Variants in ICA1 observed in about 807,000 individuals in gnomAD.
The protein encoded by ICA1 is islet cell autoantigen 1, also known as 69 kDa islet cell autoantigen.
ICA1 carries 40 observed loss-of-function variants against 71.0 expected under a neutral mutation model. The ratio of observed to expected loss-of-function variants is 0.56; its 90% CI spans 0.44 to 0.73. ICA1 has a LOEUF of 0.73. Among genes scored for constraint, ICA1 ranks in the 30% least tolerant of loss-of-function variants. The pLI, the probability that ICA1 is intolerant of heterozygous loss-of-function variation, is 0.00. For missense variants in ICA1, 578 were observed against 576.5 expected (o/e 1.00, Z -0.03); for synonymous variants, 207 against 209.5 (o/e 0.99, Z 0.10).
intron 6 of ICA1, among the ~76,000 whole-genome samples, chr7:8,170,381 C>G (rs560891509): frequency 1.3e-5 from 2 of 151,962 alleles, no homozygotes; most frequent in Admixed American, 1.3e-4. Flanking sequence ...TACAAAAAAG[C>G]CTTTGGGGGG....
intron 6 of ICA1, among the ~76,000 whole-genome samples, chr7:8,192,307 A>G (rs1461743356): frequency 6.6e-6 from 1 of 152,074 alleles, no homozygotes; most frequent in African/African-American, 2.4e-5. Context: ...GTCTTTTTTC[A>G]GGGCAGGTAT....
At chr7:8,150,357 C>T (rs1256271155) in intron 8 of ICA1, among the ~76,000 whole-genome samples, 3 of 152,216 alleles carry the variant, frequency 2.0e-5, no homozygotes, top group Admixed American at 6.5e-5. Flanking sequence ...TTATCAATGA[C>T]TTTTAAAGTT....
In ICA1 at chr7:8,143,898, A is replaced by T. The variant is rs1372113374; in HGVS notation, c.879T>A (p.Asp293Glu). The change falls in exon 9 of 14, where the codon GAT becomes GAA. Residue 293 changes from aspartate (D) to glutamate (E), a missense_variant. Physicochemically the swap from Asp to Glu is conservative, Grantham distance 45. Transcript: ENST00000402384. ...ACTGGCTCGGCTCCTGCACGGCTGC[A>T]TCTGTACTTTCCTGCTGGTTGATTT... is the stretch of plus-strand genomic sequence containing the variant. Reference protein sequence around the residue: ...KKKINQQESTDAAVQEPSQLI... With the variant: ...KKKINQQESTEAAVQEPSQLI... The T allele has an allele frequency of 4.3e-6, 7 of 1,612,028 alleles. No homozygotes were observed. The highest frequency in any genetic ancestry group is 2.2e-5 in the East Asian group (1 of 44,870).
In ICA1 at chr7:8,218,477, C is replaced by T. The variant is rs150710019; in HGVS notation, c.407G>A (p.Arg136Gln). The T allele has an allele frequency of 1.2e-5, 19 of 1,613,920 alleles. No individual in the cohort carries two copies. In the Admixed American group the frequency reaches 1.3e-4, roughly 11 times the overall value. Residue 136 changes from arginine to glutamine, a missense_variant, in exon 6 of 14, where the codon CGA becomes CAA. By Grantham distance (43) the Arg-to-Gln change is conservative. Transcript: ENST00000402384. ...QRLALRNPLC[R>Q]FHQEVETFRH... ...AAAAGTCTCCACTTCTTGGTGAAAT[C>T]GACACAAAGGATTTCGTAAGGCCAA... is the stretch of plus-strand genomic sequence containing the variant.
Position 8,138,860 on chromosome 7 carries a change from T to C in ICA1, c.1040A>G (p.Asp347Gly), listed in dbSNP as rs1211581722. The change falls in exon 12 of 14, where the codon GAC (aspartate) becomes GGC (glycine). Residue 347 changes from aspartate (D) to glycine (G), a missense_variant. Coordinates refer to ENST00000402384, the MANE Select transcript of ICA1 (RefSeq NM_001136020.3). ...ACSGPIDELL[D>G]MKSEEGACLG... ...CTTACCACCTTCCTCAGATTTCATG[T>C]CTAATAGTTCATCTATGGGTCCTTT... 6.8e-6 allele frequency: 11 copies of C among 1,606,300 alleles called. No homozygotes were observed. Among genetic ancestry groups the C allele is most frequent in the Non-Finnish European group, 9.4e-6 (11 of 1,173,592 alleles).
chr7:8,218,392 C>T lies in ICA1; in HGVS notation c.492G>A (p.Thr164=), dbSNP rs1796024442. 8.7e-6 allele frequency: 14 copies of T among 1,614,130 alleles called. No individual in the cohort carries two copies. Among genetic ancestry groups the T allele is most frequent in the South Asian group, 2.2e-5 (2 of 91,078 alleles). The part of the protein sequence containing the change: ...LTVNRMEQCR[T]EYRGALLWMK... ...TCCATAATAGTGCTCCTCTATATTC[C>T]GTCCTGCACTGTTCCATGCGGTTCA... is the stretch of plus-strand genomic sequence containing the variant. The change falls in exon 6 of 14, where the codon ACG becomes ACA. Residue 164 remains threonine, a synonymous_variant. Transcript: ENST00000402384.
At chr7:8,162,193 T>G (rs1804110078) in intron 6 of ICA1, among the ~76,000 whole-genome samples, 2 of 152,258 alleles carry the variant, frequency 1.3e-5, no homozygotes, top group Admixed American at 6.5e-5. Flanking sequence ...ACAAAGCTCA[T>G]GAATTAGCGT....
intron 3 of ICA1, 82 bp from the exon 4 acceptor site, chr7:8,228,755 T>C: frequency 1.1e-6 from 1 of 891,290 alleles, no homozygotes; most frequent in Non-Finnish European, 1.7e-6. Context: ...ACAACCAGAG[T>C]GTTCAATTTG....
chr7:8,247,091 C>A (rs1382553643), intron 1 of ICA1, among the ~76,000 whole-genome samples: 1 of 151,898 alleles, frequency 6.6e-6, no homozygotes, highest in Non-Finnish European at 1.5e-5. Context: ...CAATTTTATT[C>A]CCCCGTGTAG....
At chr7:8,236,057 A>G in intron 1 of ICA1, 52 bp from the exon 2 acceptor site, 16 of 970,114 alleles carry the variant, frequency 1.6e-5, no homozygotes, top group Non-Finnish European at 2.2e-5. Context: ...ATAGTTACAT[A>G]TTAATGTGAC....
chr7:8,147,146 G>A (rs1021683379), intron 8 of ICA1, among the ~76,000 whole-genome samples: 1 of 152,076 alleles, frequency 6.6e-6, no homozygotes, highest in African/African-American at 2.4e-5. Context: ...CTGCCACAGC[G>A]CTTGCCTAAA....
chr7:8,182,808 T>C (rs1782619488), intron 6 of ICA1, among the ~76,000 whole-genome samples: 1 of 152,176 alleles, frequency 6.6e-6, no homozygotes, highest in Non-Finnish European at 1.5e-5. Flanking sequence ...AATATATTTG[T>C]TTTTGCTTTT....
intron 5 of ICA1, 109 bp from the exon 6 acceptor site, chr7:8,218,612 T>C (rs1210789781): frequency 1.3e-6 from 1 of 799,874 alleles, no homozygotes. Flanking sequence ...ACCTGGAATG[T>C]AGAAGATGCT....
chr7:8,229,942 G>C (rs1364691809), intron 3 of ICA1, among the ~76,000 whole-genome samples: 1 of 152,192 alleles, frequency 6.6e-6, no homozygotes, highest in African/African-American at 2.4e-5. Context: ...CGTTCAAAAA[G>C]TATGTTTAGG....
chr7:8,145,300 C>G (rs559084745), intron 8 of ICA1, among the ~76,000 whole-genome samples: 1 of 152,298 alleles, frequency 6.6e-6, no homozygotes, highest in African/African-American at 2.4e-5. Flanking sequence ...ATCTTGCTCC[C>G]TACCATCCCC....
At chr7:8,260,865 C>T (rs1280696308) in intron 1 of ICA1, among the ~76,000 whole-genome samples, 2 of 152,174 alleles carry the variant, frequency 1.3e-5, no homozygotes, top group Admixed American at 6.5e-5. Flanking sequence ...TATTTCACTC[C>T]CTAACCACAG....
intron 6 of ICA1, among the ~76,000 whole-genome samples, chr7:8,215,446 T>TAGACACTACTGTTCACCATGCGCCACCAC (rs1583339418): frequency 6.6e-6 from 1 of 151,940 alleles, no homozygotes; most frequent in African/African-American, 2.4e-5. Flanking sequence ...CGTGCCACCA[T>TAGACACTACTGTTCACCATGCGCCACCAC]AGACACTACT....
chr7:8,230,781 C>G (rs1563113345), intron 3 of ICA1, among the ~76,000 whole-genome samples: 1 of 152,184 alleles, frequency 6.6e-6, no homozygotes, highest in Non-Finnish European at 1.5e-5. Context: ...TCCTCCATTG[C>G]AGAAATCTCC....
intron 8 of ICA1, among the ~76,000 whole-genome samples, chr7:8,151,209 T>G (rs1562688180): frequency 6.6e-6 from 1 of 152,230 alleles, no homozygotes. Flanking sequence ...AGTAATATTT[T>G]TCCCTTTCCC....
Sources: gnomAD v4.1 joint callset for allele counts (sites outside exome capture counted in the v4.1 genomes callset) on GRCh38, gnomAD v4.1.1 for gene constraint, MANE v1.5 for transcripts, NCBI Gene and HGNC (gene_info 2026-07-23, HGNC 2026-07-21) for gene names.